The following PPP3CB variants were observed in gnomAD, a reference collection of about 807,000 sequenced individuals.
The protein encoded by PPP3CB is protein phosphatase 3 catalytic subunit beta.
A neutral mutation model predicts 66.4 loss-of-function variants in PPP3CB; 8 were observed. The ratio of observed to expected loss-of-function variants is 0.12; its 90% CI spans 0.07 to 0.22. The LOEUF (loss-of-function observed/expected upper bound fraction) is 0.22, where lower values mean the gene tolerates loss of function less well. Among genes scored for constraint, PPP3CB ranks in the 10% least tolerant of loss-of-function variants. The probability of loss-of-function intolerance (pLI) is 1.00; values close to 1 mark genes in which losing one functional copy is unlikely to be tolerated. For missense variants in PPP3CB, 319 were observed against 642.5 expected, an observed-to-expected ratio of 0.50 and a Z score of 5.44; for synonymous variants, 208 against 221.2, an observed-to-expected ratio of 0.94 and a Z score of 0.53.
chr10:73,495,764 G>A (rs2057200991), intron 1 of PPP3CB, 41 bp downstream of exon 1: 10 of 1,550,716 alleles, frequency 6.4e-6, no homozygotes, highest in Non-Finnish European at 7.9e-6. Flanking sequence ...CACACAGCTA[G>A]CTCTTCAGGC....
At chr10:73,484,848 T>C (rs1040416893) in intron 1 of PPP3CB, among the ~76,000 whole-genome samples, 30 of 151,158 alleles carry the variant, frequency 2.0e-4, no homozygotes, top group African/African-American at 7.3e-4. Flanking sequence ...GGTCAGGAGG[T>C]CAAGACCAGC....
chr10:73,470,779 T>C lies in PPP3CB; in HGVS notation c.890A>G (p.Tyr297Cys). ...IRAHEAQDAG[Y>C]RMYRKSQTTG... ...AGTTTGACTTTTTCTGTACATTCTA[T>C]AGCTGCAAAACAAATAGCTTAATAT... The change falls in exon 8 of 14, where the codon TAT becomes TGT. Residue 297 changes from tyrosine (Y) to cysteine (C), a missense_variant and splice_region_variant. Coordinates refer to ENST00000360663, the MANE Select transcript of PPP3CB (RefSeq NM_021132.4). 6.2e-7 allele frequency: 1 copy of C among 1,602,074 alleles called. No individual in the cohort carries two copies. Among genetic ancestry groups the C allele is most frequent in the Non-Finnish European group, 8.5e-7 (1 of 1,172,542 alleles).
rs767444237 is a variant in PPP3CB, at chr10:73,471,543, T to C, written c.594A>G (p.Ala198=). The C allele has an allele frequency of 6.2e-7, 1 of 1,612,762 alleles. No homozygotes were observed. Among genetic ancestry groups the C allele is most frequent in the South Asian group, 1.1e-5 (1 of 90,956 alleles). The change falls in exon 5 of 14, where the codon GCA becomes GCG. Residue 198 remains alanine (A), a synonymous_variant. Coordinates refer to ENST00000360663, the MANE Select transcript of PPP3CB (RefSeq NM_021132.4). ...CACAAAGAAACTGTTGGTTTAAAAGTGCAGCAAGAGGCAAACTATCAAAAG... is the reference window on the plus strand; with the variant it reads ...CACAAAGAAACTGTTGGTTTAAAAGCGCAGCAAGAGGCAAACTATCAAAAG... ...MEAFDSLPLA[A]LLNQQFLCVH...
At chr10:73,454,815 CATA>C (rs1363697031) in intron 9 of PPP3CB, among the ~76,000 whole-genome samples, 2 of 149,172 alleles carry the variant, frequency 1.3e-5, no homozygotes, top group Admixed American at 6.7e-5. Context: ...ATGGATATAG[CATA>C]ATAAGAAAAA....
intron 1 of PPP3CB, among the ~76,000 whole-genome samples, chr10:73,486,920 T>A (rs557554088): frequency 6.6e-6 from 1 of 152,292 alleles, no homozygotes; most frequent in South Asian, 2.1e-4. Context: ...TCTGTAATCC[T>A]AGCATTTTGG....
chr10:73,455,857 A>C (rs551595509), intron 9 of PPP3CB, among the ~76,000 whole-genome samples: 2 of 152,322 alleles, frequency 1.3e-5, no homozygotes, highest in East Asian at 3.9e-4. Flanking sequence ...GGCGTGAGCC[A>C]CCGCGCCCAG....
Position 73,438,337 on chromosome 10 carries a change from G to A in PPP3CB, c.1480C>T (p.Pro494Ser). 1 of 1,613,948 alleles carries A rather than the reference G, an allele frequency of 6.2e-7. No individual in the cohort carries two copies. ...GLDRINERMP[P>S]RKDAVQQDGF... The stretch of plus-strand genomic sequence containing the variant: ...TCTTGCTGTACAGCATCTTTCCGAG[G>A]TGGCATTCTCTCATTGATCCTATCC... Residue 494 changes from proline to serine, a missense_variant, in exon 14 of 14, where the codon CCT (proline) becomes TCT (serine). Physicochemically the swap from Pro to Ser is moderately conservative, Grantham distance 74. Transcript: ENST00000360663.
At chr10:73,470,863 G>C (rs1297591046) in intron 7 of PPP3CB, 24 bp downstream of exon 7, 1 of 1,599,476 alleles carries the variant, frequency 6.3e-7, no homozygotes, top group Non-Finnish European at 8.6e-7. Flanking sequence ...GTGTTAATTT[G>C]GGTCAGGGAA....
chr10:73,440,948 A>G (rs115946825), intron 12 of PPP3CB, among the ~76,000 whole-genome samples: 101 of 152,330 alleles, frequency 6.6e-4, no homozygotes, highest in African/African-American at 2.2e-3. Context: ...AAGAGCTCAC[A>G]CTGAGGACCA....
In PPP3CB at chr10:73,470,969, G is replaced by A. The variant is rs749535370; in HGVS notation, c.810-5C>T. The A allele has an allele frequency of 1.9e-6, 3 of 1,611,564 alleles. No individual in the cohort carries two copies. The highest frequency in any genetic ancestry group is 1.3e-5 in the African/African-American group (1 of 74,934). On this transcript the variant is annotated splice_polypyrimidine_tract_variant and splice_region_variant and intron_variant, in intron 6 of 13. Transcript: ENST00000360663. ...AATTCACACACTGCTGGATAGCTGT[G>A]GGGGAAAAAGAGTAAATTAAGTAAA...
chr10:73,447,684 G>A (rs1414745918), intron 10 of PPP3CB, among the ~76,000 whole-genome samples: 1 of 151,972 alleles, frequency 6.6e-6, no homozygotes, highest in Non-Finnish European at 1.5e-5. Flanking sequence ...GATAATGACT[G>A]GATCTGACTG....
chr10:73,470,546 T>A (rs1268148790), intron 8 of PPP3CB, 141 bp downstream of exon 8: 1 of 521,904 alleles, frequency 1.9e-6, no homozygotes, highest in Non-Finnish European at 3.3e-6. Context: ...TATTTATTGT[T>A]CTCTCCCCTC....
intron 1 of PPP3CB, among the ~76,000 whole-genome samples, chr10:73,483,556 C>G (rs1272684974): frequency 6.6e-6 from 1 of 152,098 alleles, no homozygotes; most frequent in African/African-American, 2.4e-5. Context: ...ACTCAGGAGG[C>G]TGAGGCAGGA....
intron 1 of PPP3CB, among the ~76,000 whole-genome samples, chr10:73,480,440 ATTT>A (rs57553384): frequency 4.0e-5 from 5 of 123,910 alleles, no homozygotes; most frequent in Non-Finnish European, 5.1e-5. Flanking sequence ...TATCCCTGTA[ATTT>A]TTTTTTTTTT....
chr10:73,479,105 T>A (rs2056835282), intron 2 of PPP3CB, among the ~76,000 whole-genome samples: 3 of 152,200 alleles, frequency 2.0e-5, no homozygotes. Flanking sequence ...AAAAGCATAT[T>A]AGACTAACTT....
intron 3 of PPP3CB, 99 bp downstream of exon 3, chr10:73,478,400 T>TA (rs2056824684): frequency 7.4e-6 from 8 of 1,087,004 alleles, no homozygotes; most frequent in African/African-American, 3.2e-5. Flanking sequence ...GCAGAGTTAT[T>TA]AAAAAAACCT....
chr10:73,486,430 C>T (rs1321615302), intron 1 of PPP3CB, among the ~76,000 whole-genome samples: 2 of 151,246 alleles, frequency 1.3e-5, no homozygotes, highest in African/African-American at 4.9e-5. Flanking sequence ...CTCAGCCTCC[C>T]AAGTAGCTGG....
rs1022815433 is a variant in PPP3CB, at chr10:73,495,967, G to C, written c.-78C>G. The C allele has an allele frequency of 1.1e-6, 1 of 939,968 alleles. No homozygotes were observed. Among genetic ancestry groups the C allele is most frequent in the African/African-American group, 1.7e-5 (1 of 57,652 alleles). The allele number at this position is 939,968 out of a possible 1,614,324, so 58.2% of individuals were successfully genotyped here. Reference sequence around the variant, plus strand: ...GCGGCGGCTACCAGAGCCAAGCGGCGGCGCCGCCGGGGAACATGGCGGACC... The same window carrying C: ...GCGGCGGCTACCAGAGCCAAGCGGCCGCGCCGCCGGGGAACATGGCGGACC... On this transcript the variant is annotated 5_prime_UTR_variant, in exon 1 of 14. Coordinates refer to ENST00000360663, the MANE Select transcript of PPP3CB (RefSeq NM_021132.4).
chr10:73,468,660 G>C (rs908460671), intron 8 of PPP3CB, among the ~76,000 whole-genome samples: 52 of 152,118 alleles, frequency 3.4e-4, no homozygotes, highest in African/African-American at 1.2e-3. Context: ...CTGAAATGCA[G>C]ATGTTAAATT....
Sources: allele counts gnomAD v4.1 joint callset (sites outside exome capture counted in the v4.1 genomes callset), GRCh38; gene constraint gnomAD v4.1.1; transcripts MANE v1.5; gene names NCBI Gene and HGNC (gene_info 2026-07-23, HGNC 2026-07-21).